The following OTUD7A variants were observed in gnomAD, a reference collection of about 807,000 sequenced individuals.
OTUD7A encodes OTU domain-containing protein 7A.
Under a neutral mutation model 65.7 loss-of-function variants are expected in OTUD7A, and 12 were observed. That is an observed-to-expected ratio of 0.18 (90% CI 0.12 to 0.30). The LOEUF (loss-of-function observed/expected upper bound fraction) is 0.30, where lower values mean the gene tolerates loss of function less well. OTUD7A is among the 10% of genes least tolerant of loss of function. OTUD7A has a pLI of 1.00. For missense variants in OTUD7A, 1,148 were observed against 1,304.8 expected, an observed-to-expected ratio of 0.88 and a Z score of 1.85; for synonymous variants, 641 against 586.3, an observed-to-expected ratio of 1.09 and a Z score of -1.35.
At chr15:31,606,171 T>C (rs1890233232) in intron 3 of OTUD7A, among the ~76,000 whole-genome samples, 2 of 152,250 alleles carry the variant, frequency 1.3e-5, no homozygotes, top group Admixed American at 1.3e-4. Flanking sequence ...AAATGCAGAA[T>C]AACCTATATT....
chr15:31,511,019 ATG>A (rs1288433292), intron 8 of OTUD7A, among the ~76,000 whole-genome samples: 2 of 21,208 alleles, frequency 9.4e-5, no homozygotes, highest in South Asian at 7.6e-4. Flanking sequence ...TGTAACATAC[ATG>A]TATATCTATA....
intron 4 of OTUD7A, among the ~76,000 whole-genome samples, chr15:31,566,674 C>G (rs925300688): frequency 1.3e-5 from 2 of 152,120 alleles, no homozygotes; most frequent in Non-Finnish European, 2.9e-5. Context: ...GAAGCAGATC[C>G]CTCATGAATG....
intron 8 of OTUD7A, among the ~76,000 whole-genome samples, chr15:31,526,144 C>T (rs981714519): frequency 2.0e-5 from 3 of 152,220 alleles, no homozygotes; most frequent in Non-Finnish European, 4.4e-5. Context: ...CATACCCTTC[C>T]ACTAGCACCT....
At chr15:31,509,264 AT>A (rs1369018560) in intron 8 of OTUD7A, among the ~76,000 whole-genome samples, 1 of 151,992 alleles carries the variant, frequency 6.6e-6, no homozygotes, top group Non-Finnish European at 1.5e-5. Flanking sequence ...TTTATAATTA[AT>A]ATTTTTAAAT....
chr15:31,569,911 C>T lies in OTUD7A; in HGVS notation c.331+107G>A, dbSNP rs537557632. 7 of 1,208,538 alleles carry T rather than the reference C, an allele frequency of 5.8e-6. No homozygotes were observed. The East Asian group carries it at 1.4e-4, about 25-fold the overall frequency. 74.9% of individuals were successfully genotyped at this position (1,208,538 alleles called of 1,614,324 possible). A position where few individuals can be genotyped will look rare whatever the true frequency, so the allele number is the denominator to read the frequency against. On this transcript the variant is annotated intron_variant, in intron 4 of 12. Transcript: ENST00000307050. The stretch of plus-strand genomic sequence containing the variant: ...AGGCACTGAGAGGCCAATATGTCTG[C>T]ATCCGGGAGGTGATGACCCCACCAT...
chr15:31,760,679 G>C (rs1414036029), intron 1 of OTUD7A, among the ~76,000 whole-genome samples: 4 of 152,110 alleles, frequency 2.6e-5, no homozygotes, highest in Non-Finnish European at 5.9e-5. Flanking sequence ...ATTCCAGCTG[G>C]CTTTTTTTTC....
At chr15:31,773,452 G>A (rs1447857433) in intron 1 of OTUD7A, among the ~76,000 whole-genome samples, 1 of 152,174 alleles carries the variant, frequency 6.6e-6, no homozygotes, top group Admixed American at 6.5e-5. Context: ...ATGGTAGAAG[G>A]GGCAATGGAA....
intron 5 of OTUD7A, among the ~76,000 whole-genome samples, chr15:31,550,195 C>T (rs377113400): frequency 5.9e-4 from 90 of 152,080 alleles, no homozygotes; most frequent in East Asian, 1.7e-3. Flanking sequence ...CTGGTCCCTC[C>T]GAGAACAGGA....
intron 1 of OTUD7A, among the ~76,000 whole-genome samples, chr15:31,717,399 G>A (rs12904946): frequency 3.6e-4 from 55 of 151,902 alleles, no homozygotes; most frequent in African/African-American, 1.3e-3. Context: ...TCGCCCCCCA[G>A]TTCCCAACAG....
chr15:31,622,879 C>A (rs1162117595), intron 3 of OTUD7A, among the ~76,000 whole-genome samples: 17 of 152,150 alleles, frequency 1.1e-4, no homozygotes, highest in Admixed American at 1.1e-3. Context: ...TCTGTTTTTT[C>A]CCCATCTTTG....
chr15:31,690,510 A>G (rs1421721699), intron 1 of OTUD7A, among the ~76,000 whole-genome samples: 1 of 152,238 alleles, frequency 6.6e-6, no homozygotes, highest in East Asian at 1.9e-4. Context: ...ACATACTATG[A>G]ATCTATGGTA....
intron 1 of OTUD7A, among the ~76,000 whole-genome samples, chr15:31,802,999 C>A (rs942574153): frequency 6.6e-6 from 1 of 152,162 alleles, no homozygotes; most frequent in Non-Finnish European, 1.5e-5. Flanking sequence ...CTCTAAGTGA[C>A]CTTTTGGCTG....
In OTUD7A at chr15:31,581,610, C is replaced by T. The variant is rs940378140; in HGVS notation, c.152-11413G>A. ...CAGGCTTAACACCATGTGGAAGCTG[C>T]CAAGGCTTGGGACTTGCACCCTCTG... On this transcript the variant is annotated intron_variant, in intron 3 of 12. Transcript: ENST00000307050. Among the ~76,000 whole-genome samples, 6 of 152,236 alleles carry T rather than the reference C, an allele frequency of 3.9e-5. No individual in the cohort carries two copies. The East Asian group carries it at 1.2e-3, about 29-fold the overall frequency.
intron 1 of OTUD7A, among the ~76,000 whole-genome samples, chr15:31,748,279 A>G (rs1484889183): frequency 1.3e-5 from 2 of 152,014 alleles, no homozygotes; most frequent in Non-Finnish European, 2.9e-5. Flanking sequence ...AAGGGGCATG[A>G]TGTCTCTACC....
chr15:31,842,496 G>C (rs978590037), intron 1 of OTUD7A, among the ~76,000 whole-genome samples: 2 of 152,222 alleles, frequency 1.3e-5, no homozygotes, highest in Non-Finnish European at 2.9e-5. Flanking sequence ...TTCACAGCCG[G>C]AAGTGAAGCT....
intron 5 of OTUD7A, among the ~76,000 whole-genome samples, chr15:31,534,271 T>C (rs1403617549): frequency 6.6e-6 from 1 of 152,200 alleles, no homozygotes; most frequent in Non-Finnish European, 1.5e-5. Context: ...AATCAATCAA[T>C]ATAATTCACC....
chr15:31,548,866 T>C (rs1180736583), intron 5 of OTUD7A, among the ~76,000 whole-genome samples: 3 of 152,136 alleles, frequency 2.0e-5, no homozygotes, highest in Non-Finnish European at 4.4e-5. Context: ...CTGGACACAG[T>C]GGCTCATGCC....
chr15:31,720,259 T>C lies in OTUD7A; in HGVS notation c.-99-63182A>G, dbSNP rs371443405. On this transcript the variant is annotated intron_variant, in intron 1 of 12. Transcript: ENST00000307050. ...CATCTGTGCCACATCCAATAGTTGT[T>C]ATTTACAGTCATGTGCAGATAGATC... Among the ~76,000 whole-genome samples the C allele has an allele frequency of 6.9e-4, 105 of 151,718 alleles. 1 individual carries two copies. In the East Asian group the frequency reaches 0.019, roughly 27 times the overall value.
At chr15:31,548,280 G>A (rs1234578871) in intron 5 of OTUD7A, among the ~76,000 whole-genome samples, 8 of 152,138 alleles carry the variant, frequency 5.3e-5, no homozygotes, top group South Asian at 4.1e-4. Context: ...CCTCAGCAAC[G>A]TGTCCCTCTA....
Sources: allele counts gnomAD v4.1 joint callset (sites outside exome capture counted in the v4.1 genomes callset), GRCh38; gene constraint gnomAD v4.1.1; transcripts MANE v1.5; gene names NCBI Gene and HGNC (gene_info 2026-07-23, HGNC 2026-07-21).